CTIF: variants seen among roughly 807,000 people sequenced by gnomAD.
CTIF encodes the protein CBP80/20-dependent translation initiation factor.
CTIF carries 21 observed loss-of-function variants against 66.0 expected under a neutral mutation model. That is an observed-to-expected ratio of 0.32 (90% CI 0.23 to 0.46). The LOEUF is 0.46. Among genes scored for constraint, CTIF ranks in the 20% least tolerant of loss-of-function variants. CTIF has a pLI of 1.00. For synonymous variants in CTIF, 345 were observed against 326.4 expected (o/e 1.06, Z -0.62); for missense variants, 739 against 812.7 (o/e 0.91, Z 1.10).
intron 9 of CTIF, among the ~76,000 whole-genome samples, chr18:48,807,550 G>A (rs9949938): frequency 0.33 from 37,719 of 115,072 alleles, 5,661 homozygotes; most frequent in African/African-American, 0.53. Flanking sequence ...CCATGCTATT[G>A]TAAACGTTTC....
intron 1 of CTIF, among the ~76,000 whole-genome samples, chr18:48,601,646 G>T: frequency 1.3e-5 from 2 of 152,336 alleles, no homozygotes; most frequent in South Asian, 4.1e-4. Flanking sequence ...CATTGAAGCA[G>T]GGTTCTGAGA....
intron 1 of CTIF, among the ~76,000 whole-genome samples, chr18:48,599,437 A>G (rs2090050480): frequency 6.6e-6 from 1 of 152,178 alleles, no homozygotes; most frequent in Non-Finnish European, 1.5e-5. Context: ...CCACCTCTGA[A>G]AGATGTCTTT....
chr18:48,793,157 GC>G (rs2067830665), intron 9 of CTIF, among the ~76,000 whole-genome samples: 1 of 152,152 alleles, frequency 6.6e-6, no homozygotes, highest in Admixed American at 6.5e-5. Context: ...TTCAGCCTCT[GC>G]CCCCTCCCTG....
chr18:48,696,072 C>T (rs934742863), intron 6 of CTIF, among the ~76,000 whole-genome samples: 3 of 152,246 alleles, frequency 2.0e-5, no homozygotes, highest in Admixed American at 6.5e-5. Flanking sequence ...AGGCCCAAGC[C>T]GCCTCCCACA....
At chr18:48,715,260 A>T (rs2092268602) in intron 7 of CTIF, among the ~76,000 whole-genome samples, 1 of 152,190 alleles carries the variant, frequency 6.6e-6, no homozygotes, top group Admixed American at 6.5e-5. Flanking sequence ...TGAAAAAAAA[A>T]AATTAAGCTC....
chr18:48,702,425 G>T (rs552253614), intron 6 of CTIF, among the ~76,000 whole-genome samples: 1 of 152,282 alleles, frequency 6.6e-6, no homozygotes, highest in South Asian at 2.1e-4. Context: ...AAACCTGTCC[G>T]GGGTTCCTGA....
intron 1 of CTIF, among the ~76,000 whole-genome samples, chr18:48,590,996 A>G (rs1033851408): frequency 2.6e-5 from 4 of 152,242 alleles, no homozygotes; most frequent in African/African-American, 9.6e-5. Flanking sequence ...TGAAACAGGC[A>G]GATCTCAGAA....
In CTIF at chr18:48,663,772, T is replaced by C; in HGVS notation, c.273T>C (p.Ser91=). Residue 91 remains serine (S), a synonymous_variant, in exon 4 of 12, where the codon TCT becomes TCC. Coordinates refer to ENST00000256413, the MANE Select transcript of CTIF (RefSeq NM_014772.3). ...PPQQNGSKDN[S]LDMLGTDIWA... ...TCCAGAATGGCAGCAAAGACAACTC[T>C]CTGGACATGCTGGGCACGGACATCT... The C allele has an allele frequency of 6.2e-7, 1 of 1,614,026 alleles. No individual in the cohort carries two copies. Among genetic ancestry groups the C allele is most frequent in the Non-Finnish European group, 8.5e-7 (1 of 1,179,970 alleles).
intron 2 of CTIF, among the ~76,000 whole-genome samples, chr18:48,631,813 C>A (rs1417189088): frequency 6.6e-6 from 1 of 152,144 alleles, no homozygotes; most frequent in African/African-American, 2.4e-5. Context: ...AAGACACCAC[C>A]TTTACCCCCA....
At chr18:48,582,843 G>A (rs1038991019) in intron 1 of CTIF, among the ~76,000 whole-genome samples, 4 of 152,198 alleles carry the variant, frequency 2.6e-5, no homozygotes, top group South Asian at 4.1e-4. Flanking sequence ...ATTGCCTGAA[G>A]TGCCACATCT....
intron 3 of CTIF, among the ~76,000 whole-genome samples, chr18:48,641,599 A>T (rs1359811745): frequency 6.6e-6 from 1 of 152,254 alleles, no homozygotes; most frequent in Non-Finnish European, 1.5e-5. Context: ...AAACAGAAGC[A>T]TAAAGAGAGT....
intron 9 of CTIF, among the ~76,000 whole-genome samples, chr18:48,812,574 T>C (rs1419028983): frequency 6.6e-6 from 1 of 152,096 alleles, no homozygotes; most frequent in East Asian, 1.9e-4. Flanking sequence ...GGGGGCAACG[T>C]AGACCTTGTC....
In CTIF at chr18:48,579,218, C is replaced by T. The variant is rs769398115; in HGVS notation, c.-29+39906C>T. 4.6e-5 allele frequency among the ~76,000 whole-genome samples: 7 copies of T among 152,170 alleles called. No homozygotes were observed. In the South Asian group the frequency reaches 1.0e-3, roughly 23 times the overall value. On this transcript the variant is annotated intron_variant, in intron 1 of 11. Coordinates refer to ENST00000256413, the MANE Select transcript of CTIF (RefSeq NM_014772.3). ...CCTTGGCTCACTGCAACCTCCGCCT[C>T]CCAGGTTCAAGTGATTCTCCCAAAT...
intron 6 of CTIF, among the ~76,000 whole-genome samples, chr18:48,672,534 C>T (rs938916796): frequency 6.6e-6 from 1 of 152,288 alleles, no homozygotes; most frequent in East Asian, 1.9e-4. Flanking sequence ...CACCTCTAGC[C>T]TGAGGACCTC....
At chr18:48,694,459 TCTC>T (rs923508564) in intron 6 of CTIF, among the ~76,000 whole-genome samples, 47 of 152,134 alleles carry the variant, frequency 3.1e-4, no homozygotes, top group African/African-American at 1.1e-3. Context: ...GTTCTCAAAT[TCTC>T]CGCCATTCCT....
intron 2 of CTIF, among the ~76,000 whole-genome samples, chr18:48,631,266 C>T (rs2090707449): frequency 6.6e-6 from 1 of 152,146 alleles, no homozygotes; most frequent in South Asian, 2.1e-4. Context: ...GAGTTTGAGA[C>T]CATCCAGGGC....
At chr18:48,769,285 A>C (rs775927768) in intron 9 of CTIF, among the ~76,000 whole-genome samples, 1 of 152,250 alleles carries the variant, frequency 6.6e-6, no homozygotes, top group East Asian at 1.9e-4. Flanking sequence ...AGCCCTGGCC[A>C]TACCCACATC....
At chr18:48,703,553 A>G (rs2092112209) in intron 6 of CTIF, among the ~76,000 whole-genome samples, 1 of 152,242 alleles carries the variant, frequency 6.6e-6, no homozygotes. Context: ...GAGAGATAAT[A>G]GACCTAGAGA....
At chr18:48,857,510 CG>C in intron 10 of CTIF, 77 bp from the exon 11 acceptor site, 1 of 1,345,412 alleles carries the variant, frequency 7.4e-7, no homozygotes, top group Admixed American at 2.1e-5. Context: ...TGCAGGTCGG[CG>C]GGGGCTGCAG....
Sources: allele counts gnomAD v4.1 joint callset (sites outside exome capture counted in the v4.1 genomes callset), GRCh38; gene constraint gnomAD v4.1.1; transcripts MANE v1.5; gene names NCBI Gene and HGNC (gene_info 2026-07-23, HGNC 2026-07-21).